DYRK1A: variants seen among roughly 807,000 people sequenced by gnomAD.
DYRK1A encodes dual specificity tyrosine-phosphorylation-regulated kinase 1A.
DYRK1A carries 9 observed loss-of-function variants against 79.7 expected under a neutral mutation model. The ratio of observed to expected loss-of-function variants is 0.11; its 90% CI spans 0.07 to 0.20. The LOEUF (loss-of-function observed/expected upper bound fraction) is 0.20. Ranked by LOEUF, DYRK1A falls within the 10% of genes least tolerant of loss-of-function variation. The probability of loss-of-function intolerance (pLI) is 1.00; values close to 1 mark genes in which losing one functional copy is unlikely to be tolerated. For missense variants in DYRK1A, 622 were observed against 956.0 expected (o/e 0.65, Z 4.61); for synonymous variants, 349 against 329.7 (o/e 1.06, Z -0.63).
At chr21:37,458,489 G>A (rs535736596) in intron 2 of DYRK1A, among the ~76,000 whole-genome samples, 2 of 151,414 alleles carry the variant, frequency 1.3e-5, no homozygotes, top group African/African-American at 4.9e-5. Flanking sequence ...TGGCAACTCT[G>A]TGTGTAACGT....
At chr21:37,454,085 CTTTTTT>C (rs571859735) in intron 2 of DYRK1A, among the ~76,000 whole-genome samples, 49 of 59,634 alleles carry the variant, frequency 8.2e-4, no homozygotes, top group African/African-American at 2.6e-3. Context: ...ATGTAGTCTC[CTTTTTT>C]TTTTTTTTTT....
chr21:37,509,652 T>C (rs1484320404), intron 11 of DYRK1A, among the ~76,000 whole-genome samples: 1 of 152,184 alleles, frequency 6.6e-6, no homozygotes, highest in African/African-American at 2.4e-5. Flanking sequence ...CTTGAACTCC[T>C]GGGCTGAAGT....
At chr21:37,366,462 C>G (rs999807267), upstream of DYRK1A, among the ~76,000 whole-genome samples, 1 of 148,684 alleles carries the variant, frequency 6.7e-6, no homozygotes. Flanking sequence ...CAGGCCTGGC[C>G]GCCGCCTCGC....
upstream of DYRK1A, chr21:37,365,900 T>C (rs557974267): frequency 6.6e-6 from 1 of 152,244 alleles, no homozygotes; most frequent in Admixed American, 6.5e-5. Context: ...AAAGTTTTCA[T>C]GATGGCTCCA....
chr21:37,485,645 T>C (rs556391810), intron 5 of DYRK1A, among the ~76,000 whole-genome samples: 2 of 152,364 alleles, frequency 1.3e-5, no homozygotes, highest in East Asian at 3.9e-4. Flanking sequence ...ATATTATAAA[T>C]GTAACTTCTA....
intron 4 of DYRK1A, 122 bp from the exon 5 acceptor site, chr21:37,480,516 C>G (rs2052599400): frequency 1.8e-5 from 12 of 679,570 alleles, no homozygotes; most frequent in Non-Finnish European, 2.3e-6. Context: ...TTGGTTAGAT[C>G]AGTATTATTT....
chr21:37,484,784 T>G (rs936041683), intron 5 of DYRK1A, among the ~76,000 whole-genome samples: 1 of 152,160 alleles, frequency 6.6e-6, no homozygotes. Flanking sequence ...ATACTCAGAT[T>G]CCACAGAACA....
At chr21:37,409,622 C>T (rs1241666907) in intron 1 of DYRK1A, among the ~76,000 whole-genome samples, 1 of 151,906 alleles carries the variant, frequency 6.6e-6, no homozygotes, top group Non-Finnish European at 1.5e-5. Flanking sequence ...TTTCTTGGAC[C>T]ATTTTTTTCC....
At chr21:37,446,184 A>G (rs2051264958) in intron 2 of DYRK1A, among the ~76,000 whole-genome samples, 1 of 152,064 alleles carries the variant, frequency 6.6e-6, no homozygotes. Flanking sequence ...TACAACTGCA[A>G]GTTTGAAAAA....
At chr21:37,477,659 G>A (rs1193523260) in intron 3 of DYRK1A, among the ~76,000 whole-genome samples, 1 of 152,138 alleles carries the variant, frequency 6.6e-6, no homozygotes, top group Non-Finnish European at 1.5e-5. Context: ...AGCAGGGTCT[G>A]GAGACATTAG....
chr21:37,447,278 A>G (rs1326994250), intron 2 of DYRK1A, among the ~76,000 whole-genome samples: 2 of 152,064 alleles, frequency 1.3e-5, no homozygotes, highest in Non-Finnish European at 2.9e-5. Context: ...AGTTGGGGGG[A>G]AAGTGACAAT....
At chr21:37,420,514 G>A (rs760370435) in intron 2 of DYRK1A, 130 bp downstream of exon 2, 1 of 880,802 alleles carries the variant, frequency 1.1e-6, no homozygotes, top group Non-Finnish European at 1.8e-6. Flanking sequence ...TAAATGCAAA[G>A]GTAGTTGGGC....
intron 1 of DYRK1A, among the ~76,000 whole-genome samples, chr21:37,395,578 A>C (rs1408260505): frequency 6.6e-6 from 1 of 152,102 alleles, no homozygotes; most frequent in African/African-American, 2.4e-5. Flanking sequence ...TTTAAATTAA[A>C]TTTCTCTCCT....
chr21:37,406,429 C>A (rs967362775), intron 1 of DYRK1A, among the ~76,000 whole-genome samples: 1 of 152,116 alleles, frequency 6.6e-6, no homozygotes, highest in East Asian at 1.9e-4. Flanking sequence ...GGTGCGGTGG[C>A]TCAAGTCTGT....
chr21:37,425,638 C>G (rs1049705216), intron 2 of DYRK1A: 5 of 152,116 alleles, frequency 3.3e-5, no homozygotes, highest in African/African-American at 1.2e-4. Flanking sequence ...TGTCTAAGTT[C>G]TAGGAAGATG....
Position 37,517,852 on chromosome 21 carries a change from A to C in DYRK1A, c.*5321A>C, listed in dbSNP as rs569571464. 2.0e-5 allele frequency: 3 copies of C among 152,314 alleles called. No homozygotes were observed. Among genetic ancestry groups the C allele is most frequent in the African/African-American group, 7.2e-5 (3 of 41,570 alleles). 9.4% of individuals were successfully genotyped at this position (152,314 alleles called of 1,614,324 possible). On this transcript the variant is annotated 3_prime_UTR_variant, in exon 12 of 12. Transcript: ENST00000647188. ...TTGTTAACTCCCTCTGAAATGAAAG[A>C]AAATACCTCTAGTGGCATGAAACGG...
At chr21:37,413,741 C>T (rs1602435704) in intron 1 of DYRK1A, among the ~76,000 whole-genome samples, 2 of 152,246 alleles carry the variant, frequency 1.3e-5, no homozygotes, top group East Asian at 3.9e-4. Flanking sequence ...TTCTAAGTTC[C>T]TCTTAAGATC....
chr21:37,418,912 A>G (rs2050410207), intron 1 of DYRK1A: 1 of 152,168 alleles, frequency 6.6e-6, no homozygotes, highest in Admixed American at 6.5e-5. Flanking sequence ...TTTAAAAATA[A>G]CTCATATTGT....
At chr21:37,372,749 C>T (rs1221413518) in intron 1 of DYRK1A, among the ~76,000 whole-genome samples, 1 of 152,052 alleles carries the variant, frequency 6.6e-6, no homozygotes, top group African/African-American at 2.4e-5. Context: ...ATTTCTTTCT[C>T]CTCCTTTTTT....
Sources: allele counts gnomAD v4.1 joint callset (sites outside exome capture counted in the v4.1 genomes callset), GRCh38; gene constraint gnomAD v4.1.1; transcripts MANE v1.5; gene names NCBI Gene and HGNC (gene_info 2026-07-23, HGNC 2026-07-21).